The following UAP1 variants were observed in gnomAD, a reference collection of about 807,000 sequenced individuals.
UAP1 encodes the protein UDP-N-acetylhexosamine pyrophosphorylase.
In UAP1, 25 loss-of-function variants were observed where a neutral mutation model predicts 58.5. The ratio of observed to expected loss-of-function variants is 0.43; its 90% CI spans 0.31 to 0.60. The LOEUF is 0.60. UAP1 is among the 20% of genes least tolerant of loss of function. The probability of loss-of-function intolerance (pLI) is 0.11; values close to 1 mark genes in which losing one functional copy is unlikely to be tolerated. For synonymous variants in UAP1, 208 were observed against 213.0 expected, an observed-to-expected ratio of 0.98 and a Z score of 0.21; for missense variants, 575 against 630.0, an observed-to-expected ratio of 0.91 and a Z score of 0.93.
intron 2 of UAP1, among the ~76,000 whole-genome samples, chr1:162,570,999 T>A (rs1653822024): frequency 6.6e-6 from 1 of 152,008 alleles, no homozygotes; most frequent in Non-Finnish European, 1.5e-5. Flanking sequence ...GTGAATGTTA[T>A]CAGAAAAAGT....
At position 162,598,511 on chromosome 1, in the gene UAP1, C is replaced by CA. The variant is rs570275010; in HGVS notation, c.1476+654dup. ...AGTAGGCTTTTGAAAAATATATAAT[C>CA]AGCCTTGTTTTTTAGATGAATCACC... On this transcript the variant is annotated intron_variant, in intron 10 of 10. Coordinates refer to ENST00000271469, the Ensembl canonical transcript of UAP1. Among the ~76,000 whole-genome samples, 22 of 152,292 alleles carry CA rather than the reference C, an allele frequency of 1.4e-4. No homozygotes were observed. In the East Asian group the frequency reaches 3.5e-3, roughly 24 times the overall value.
In UAP1 at chr1:162,585,258, C is replaced by CT. The variant is rs10710780; in HGVS notation, c.835-2204dup. ...CACCTTTTAAGTTTATACTGTATATCTTTTTTTTTTTTTCTGAGATAAGAG... is the reference window on the plus strand; with the variant it reads ...CACCTTTTAAGTTTATACTGTATATCTTTTTTTTTTTTTTCTGAGATAAGAG... On this transcript the variant is annotated intron_variant, in intron 5 of 10. Transcript: ENST00000271469. 2.6e-3 allele frequency among the ~76,000 whole-genome samples: 383 copies of CT among 148,154 alleles called. 2 individuals carry two copies. The highest frequency in any genetic ancestry group is 8.4e-3 in the African/African-American group (339 of 40,508).
rs146024004 is a variant in UAP1 at position 162,566,320 on chromosome 1, A to G, written c.252A>G (p.Gln84=). 81 of 1,614,132 alleles carry G rather than the reference A, an allele frequency of 5.0e-5. No individual in the cohort carries two copies. In the East Asian group the frequency reaches 1.8e-3, roughly 35 times the overall value. Reference sequence around the variant, plus strand: ...TATTAGGCAGTGCTACAAGGGATCAAGATCAGCTCCAGGCCTGGGAAAGTG... The same window carrying G: ...TATTAGGCAGTGCTACAAGGGATCAGGATCAGCTCCAGGCCTGGGAAAGTG... Residue 84 remains glutamine, a synonymous_variant, in exon 2 of 11, where the codon CAA becomes CAG. Transcript: ENST00000271469.
At chr1:162,575,660 C>T (rs1474642142) in intron 2 of UAP1, among the ~76,000 whole-genome samples, 1 of 148,970 alleles carries the variant, frequency 6.7e-6, no homozygotes, top group East Asian at 2.0e-4. Context: ...TGGTCTGGAA[C>T]TCCTGGCTTC....
chr1:162,566,091 T>G (rs1653474272), exon 2 of UAP1: 2 of 1,612,172 alleles, frequency 1.2e-6, no homozygotes, highest in Non-Finnish European at 1.7e-6. Context: ...GACCTCAAAC[T>G]CACGTTGTCC....
chr1:162,566,450 TAAACCAGGTGACCTAGCAGA>T, intron 2 of UAP1, 102 bp downstream of exon 2: 2 of 1,229,162 alleles, frequency 1.6e-6, no homozygotes, highest in Non-Finnish European at 2.2e-6. Flanking sequence ...CATACTACAT[TAAACCAGGTGACCTAGCAGA>T]AAGTGACAAA....
intron 7 of UAP1, among the ~76,000 whole-genome samples, chr1:162,589,150 TATATATTA>T: frequency 2.1e-5 from 2 of 93,612 alleles, no homozygotes; most frequent in African/African-American, 8.7e-5. Flanking sequence ...ATTTATATAA[TATATATTA>T]TATATAATAT....
chr1:162,566,039 A>G (rs772068526), exon 2 of UAP1: 28 of 1,598,348 alleles, frequency 1.8e-5, no homozygotes, highest in Non-Finnish European at 2.2e-5. Context: ...TTACACCCCT[A>G]TTTCTACAAA....
chr1:162,577,051 ACTT>A, intron 3 of UAP1, 70 bp downstream of exon 3: 1 of 1,305,738 alleles, frequency 7.7e-7, no homozygotes, highest in Non-Finnish European at 1.1e-6. Flanking sequence ...ATGCATATAT[ACTT>A]TATGCACTCA....
At chr1:162,588,800 A>G (rs766583887) in exon 7 of UAP1, 10 of 1,612,144 alleles carry the variant, frequency 6.2e-6, no homozygotes, top group Non-Finnish European at 3.4e-6. Flanking sequence ...ATAAAGATGG[A>G]AAAATTTGTC....
chr1:162,568,282 G>A (rs1004566363), intron 2 of UAP1, among the ~76,000 whole-genome samples: 1 of 152,092 alleles, frequency 6.6e-6, no homozygotes, highest in Admixed American at 6.6e-5. Context: ...CTTTCTCCAG[G>A]CTGACAAATT....
At chr1:162,579,520 T>G in exon 4 of UAP1, 2 of 1,612,020 alleles carry the variant, frequency 1.2e-6, no homozygotes, top group East Asian at 2.2e-5. Context: ...AATGTAATCT[T>G]TTTTCAGCAA....
At chr1:162,589,141 T>A (rs1458423833) in intron 7 of UAP1, among the ~76,000 whole-genome samples, 1 of 102,656 alleles carries the variant, frequency 9.7e-6, no homozygotes, top group African/African-American at 4.3e-5. Context: ...AATTTATATA[T>A]TTATATAATA....
chr1:162,562,216 T>C (rs1259234900), intron 1 of UAP1, among the ~76,000 whole-genome samples: 26 of 152,122 alleles, frequency 1.7e-4, no homozygotes, highest in Non-Finnish European at 1.5e-5. Context: ...TGGACAGTTA[T>C]ACCAAGTGTG....
At chr1:162,563,414 G>A (rs944800877) in intron 1 of UAP1, among the ~76,000 whole-genome samples, 3 of 151,838 alleles carry the variant, frequency 2.0e-5, no homozygotes, top group Non-Finnish European at 4.4e-5. Context: ...CGCCAGGCTG[G>A]AGTTCAGTGG....
At chr1:162,599,486 G>A (rs1246246289) in exon 11 of UAP1, 1 of 612,792 alleles carries the variant, frequency 1.6e-6, no homozygotes. Context: ...TATTTTGCTT[G>A]TTGAACTCTT....
chr1:162,587,340 C>A, intron 5 of UAP1, 135 bp from the exon 6 acceptor site: 3 of 767,780 alleles, frequency 3.9e-6, no homozygotes, highest in Non-Finnish European at 4.2e-6. Flanking sequence ...AGTTGATTGT[C>A]TAAAGTTAAA....
downstream of UAP1, among the ~76,000 whole-genome samples, chr1:162,600,752 T>A (rs1297261022): frequency 6.6e-6 from 1 of 152,138 alleles, no homozygotes; most frequent in Non-Finnish European, 1.5e-5. Context: ...TCTATTTTAT[T>A]TCAATAACAG....
At chr1:162,564,705 C>T (rs757921131) in intron 1 of UAP1, among the ~76,000 whole-genome samples, 4 of 152,214 alleles carry the variant, frequency 2.6e-5, no homozygotes, top group East Asian at 1.9e-4. Context: ...ATCTACTGTT[C>T]GCTTTCTATT....
Sources: allele counts gnomAD v4.1 joint callset (sites outside exome capture counted in the v4.1 genomes callset), GRCh38; gene constraint gnomAD v4.1.1; transcripts MANE v1.5; gene names NCBI Gene and HGNC (gene_info 2026-07-23, HGNC 2026-07-21).